NEDD9: variants seen among roughly 807,000 people sequenced by gnomAD.
NEDD9 encodes the protein neural precursor cell expressed, developmentally down-regulated 9.
NEDD9 carries 26 observed loss-of-function variants against 76.6 expected under a neutral mutation model. That is an observed-to-expected ratio of 0.34 (90% confidence interval 0.25 to 0.47). The LOEUF is 0.47. NEDD9 is among the 20% of genes least tolerant of loss of function. The pLI is 1.00. For missense variants in NEDD9, 937 were observed against 1,058.5 expected (o/e 0.89, Z 1.59); for synonymous variants, 392 against 414.2 (o/e 0.95, Z 0.65).
chr6:11,345,152 T>C (rs2113526948), intron 1 of NEDD9, among the ~76,000 whole-genome samples: 1 of 151,856 alleles, frequency 6.6e-6, no homozygotes, highest in South Asian at 2.1e-4. Flanking sequence ...AGAGAGAAAA[T>C]AAACTTACAG....
At chr6:11,260,077 A>T (rs1760078646) in intron 3 of NEDD9, among the ~76,000 whole-genome samples, 1 of 152,218 alleles carries the variant, frequency 6.6e-6, no homozygotes, top group African/African-American at 2.4e-5. Flanking sequence ...TTCTTTTAAA[A>T]TACAAATAAC....
rs1392233278 is a variant in NEDD9, at chr6:11,241,205, T to A, written c.13-27478A>T. 1.3e-5 allele frequency among the ~76,000 whole-genome samples: 2 copies of A among 152,196 alleles called. No homozygotes were observed. Among genetic ancestry groups the A allele is most frequent in the African/African-American group, 4.8e-5 (2 of 41,436 alleles). On this transcript the variant is annotated intron_variant, in intron 3 of 3. Transcript: ENST00000397378. The surrounding 1 kb of genome is among the most constrained non-coding windows in gnomAD (Gnocchi z 4.0). ...CGGAGGCACTGCCCAAACACAATCA[T>A]CTTGGTGCATACTACCTATTAAATG...
At chr6:11,287,761 G>A (rs1760682911) in intron 3 of NEDD9, among the ~76,000 whole-genome samples, 1 of 152,170 alleles carries the variant, frequency 6.6e-6, no homozygotes, top group South Asian at 2.1e-4. Flanking sequence ...GTTTGGGGCA[G>A]AGAGTAGCAA....
At chr6:11,194,238 T>C (rs1038758394) in intron 2 of NEDD9, among the ~76,000 whole-genome samples, 5 of 152,152 alleles carry the variant, frequency 3.3e-5, no homozygotes, top group Non-Finnish European at 5.9e-5. Context: ...TTAATTGTGA[T>C]CATCTCAAAG....
In NEDD9 at chr6:11,237,944, T is replaced by G. The variant is rs940032009; in HGVS notation, c.13-24217A>C. Among the ~76,000 whole-genome samples, 1 of 152,208 alleles carries G rather than the reference T, an allele frequency of 6.6e-6. No individual in the cohort carries two copies. Among genetic ancestry groups the G allele is most frequent in the Non-Finnish European group, 1.5e-5 (1 of 68,036 alleles). ...CATTCTAGGGCCATGTTTTATCATT[T>G]CTAGTTTGACATTAGTTTTTAAAAA... On this transcript the variant is annotated intron_variant, in intron 3 of 3. Coordinates refer to the NEDD9 transcript ENST00000397378. This position sits in a 1 kb window ranked among gnomAD's most constrained non-coding sequence, Gnocchi z 4.9.
intron 1 of NEDD9, among the ~76,000 whole-genome samples, chr6:11,341,737 C>A (rs1433183694): frequency 6.6e-6 from 1 of 152,080 alleles, no homozygotes; most frequent in African/African-American, 2.4e-5. Flanking sequence ...AGAGCTTCTA[C>A]AATGTAACAT....
At chr6:11,221,146 G>A (rs2070380136) in intron 1 of NEDD9, among the ~76,000 whole-genome samples, 1 of 152,162 alleles carries the variant, frequency 6.6e-6, no homozygotes, top group African/African-American at 2.4e-5. Flanking sequence ...ACTTTGGGAG[G>A]CTGAGGTGGG....
intron 1 of NEDD9, among the ~76,000 whole-genome samples, chr6:11,357,723 C>T (rs1309490036): frequency 6.6e-6 from 1 of 152,164 alleles, no homozygotes; most frequent in East Asian, 1.9e-4. Flanking sequence ...GTCCCAATGA[C>T]CCTAAGAAAA....
intron 3 of NEDD9, among the ~76,000 whole-genome samples, chr6:11,295,724 A>G (rs1278449186): frequency 6.6e-6 from 1 of 152,128 alleles, no homozygotes; most frequent in Non-Finnish European, 1.5e-5. Flanking sequence ...TCCTGATTTC[A>G]GCTTCCTCCT....
intron 3 of NEDD9, among the ~76,000 whole-genome samples, chr6:11,303,633 C>G (rs991825101): frequency 3.3e-5 from 5 of 152,094 alleles, no homozygotes; most frequent in African/African-American, 1.2e-4. Flanking sequence ...TGGAACAGAA[C>G]AGAGGCCTCA....
At chr6:11,350,596 C>T (rs757617685) in intron 1 of NEDD9, among the ~76,000 whole-genome samples, 9 of 152,242 alleles carry the variant, frequency 5.9e-5, no homozygotes, top group Non-Finnish European at 1.0e-4. Context: ...GACTCACAGA[C>T]TCTCAGAGTG....
In NEDD9 at chr6:11,252,535, C is replaced by G. The variant is rs907089816; in HGVS notation, c.13-38808G>C. Among the ~76,000 whole-genome samples the G allele has an allele frequency of 6.6e-6, 1 of 152,190 alleles. No homozygotes were observed. The highest frequency in any genetic ancestry group is 1.5e-5 in the Non-Finnish European group (1 of 68,036). ...CTACCTCCCATGCCTCCTGGAAGCA[C>G]CCCCTTCCATGGTCAAAGAAACCCT... On this transcript the variant is annotated intron_variant, in intron 3 of 3. Coordinates refer to the NEDD9 transcript ENST00000397378. The surrounding 1 kb of genome is among the most constrained non-coding windows in gnomAD (Gnocchi z 4.3).
intron 3 of NEDD9, among the ~76,000 whole-genome samples, chr6:11,276,208 G>A (rs1760413525): frequency 6.6e-6 from 1 of 152,190 alleles, no homozygotes; most frequent in African/African-American, 2.4e-5. Context: ...GAAATTACCT[G>A]GGAGAAAATG....
chr6:11,285,820 C>G (rs1760635654), intron 3 of NEDD9, among the ~76,000 whole-genome samples: 1 of 152,104 alleles, frequency 6.6e-6, no homozygotes, highest in Non-Finnish European at 1.5e-5. Context: ...CAAAATAGTG[C>G]ACTTCAGTTC....
At chr6:11,207,943 T>C (rs1200513353) in intron 2 of NEDD9, among the ~76,000 whole-genome samples, 2 of 152,198 alleles carry the variant, frequency 1.3e-5, no homozygotes, top group African/African-American at 4.8e-5. Flanking sequence ...TTTGGGAACC[T>C]GAAGCGGGCA....
intron 1 of NEDD9, among the ~76,000 whole-genome samples, chr6:11,357,079 G>A (rs947232786): frequency 2.0e-5 from 3 of 152,078 alleles, no homozygotes; most frequent in African/African-American, 4.8e-5. Flanking sequence ...ATTTTGCTTC[G>A]TTTTTCACTT....
intron 2 of NEDD9, among the ~76,000 whole-genome samples, chr6:11,312,317 A>T (rs1214473870): frequency 2.0e-5 from 3 of 151,924 alleles, no homozygotes; most frequent in Non-Finnish European, 4.4e-5. Flanking sequence ...AATGGTTTCC[A>T]TTGTCCATCT....
chr6:11,355,005 A>G (rs1285790990), intron 1 of NEDD9, among the ~76,000 whole-genome samples: 2 of 152,192 alleles, frequency 1.3e-5, no homozygotes, highest in African/African-American at 4.8e-5. Context: ...CTGCTACCCA[A>G]GCTGACATAC....
intron 2 of NEDD9, among the ~76,000 whole-genome samples, chr6:11,326,826 A>G (rs916509562): frequency 1.3e-5 from 2 of 152,208 alleles, no homozygotes; most frequent in Admixed American, 6.5e-5. Context: ...GGTTCAGGCC[A>G]TCTGGATTTG....
Sources: allele counts gnomAD v4.1 joint callset (sites outside exome capture counted in the v4.1 genomes callset), GRCh38; gene constraint gnomAD v4.1.1; non-coding constraint Gnocchi (gnomAD v3.1); transcripts MANE v1.5; gene names NCBI Gene and HGNC (gene_info 2026-07-23, HGNC 2026-07-21).